Variants in ZBBX observed in about 807,000 individuals in gnomAD.
ZBBX encodes the protein zinc finger B-box domain containing.
Under a neutral mutation model 108.5 loss-of-function variants are expected in ZBBX, and 101 were observed. That is an observed-to-expected ratio of 0.93 (90% CI 0.79 to 1.10). The LOEUF (loss-of-function observed/expected upper bound fraction) is 1.10. ZBBX is among the 50% of genes least tolerant of loss of function. ZBBX has a pLI of 0.00. For synonymous variants in ZBBX, 356 were observed against 323.4 expected (o/e 1.10, Z -1.08); for missense variants, 1,009 against 941.4 (o/e 1.07, Z -0.94).
At chr3:167,293,698 C>A (rs1469544599) in intron 18 of ZBBX, among the ~76,000 whole-genome samples, 1 of 152,106 alleles carries the variant, frequency 6.6e-6, no homozygotes, top group African/African-American at 2.4e-5. Flanking sequence ...CTGGCCAGGG[C>A]AATCAGGCAA....
chr3:167,296,593 G>A (rs528001228), intron 18 of ZBBX, among the ~76,000 whole-genome samples: 4 of 151,660 alleles, frequency 2.6e-5, no homozygotes, highest in South Asian at 2.1e-4. Flanking sequence ...ATGAACAATC[G>A]GAAAAGGAAA....
At chr3:167,269,040 C>T (rs1317343708) in intron 20 of ZBBX, among the ~76,000 whole-genome samples, 1 of 152,130 alleles carries the variant, frequency 6.6e-6, no homozygotes, top group Non-Finnish European at 1.5e-5. Flanking sequence ...AAGGGCAGGC[C>T]ACTTCAAAAG....
At chr3:167,337,729 A>G (rs1010564336) in intron 9 of ZBBX, among the ~76,000 whole-genome samples, 1 of 152,276 alleles carries the variant, frequency 6.6e-6, no homozygotes, top group South Asian at 2.1e-4. Flanking sequence ...ATCTAGATTT[A>G]CAAAAGAAAA....
chr3:167,216,105 A>G, the ZBBX span, among the ~76,000 whole-genome samples: 1 of 152,182 alleles, frequency 6.6e-6, no homozygotes, highest in African/African-American at 2.4e-5. Flanking sequence ...TCTATTCAAC[A>G]TAATACTGGA....
downstream of ZBBX, among the ~76,000 whole-genome samples, chr3:167,239,532 T>A (rs1352748902): frequency 6.6e-6 from 1 of 152,112 alleles, no homozygotes; most frequent in Non-Finnish European, 1.5e-5. Flanking sequence ...TAAATATATT[T>A]TCTCCTCCTT....
the ZBBX span, among the ~76,000 whole-genome samples, chr3:167,179,983 T>A: frequency 6.6e-6 from 1 of 152,220 alleles, no homozygotes; most frequent in Non-Finnish European, 1.5e-5. Context: ...ATCACATCCA[T>A]GTAATTTAAC....
At chr3:167,264,814 T>C (rs1725190659) in intron 20 of ZBBX, among the ~76,000 whole-genome samples, 1 of 152,214 alleles carries the variant, frequency 6.6e-6, no homozygotes, top group Non-Finnish European at 1.5e-5. Flanking sequence ...CCCACTCTTC[T>C]CTTCCCTTTC....
the ZBBX span, among the ~76,000 whole-genome samples, chr3:167,222,334 C>T: frequency 1.3e-5 from 2 of 151,668 alleles, no homozygotes; most frequent in Non-Finnish European, 2.9e-5. Flanking sequence ...TATGTTCACA[C>T]TTATTTATGA....
At chr3:167,316,719 A>G (rs1735523328) in intron 14 of ZBBX, among the ~76,000 whole-genome samples, 1 of 152,096 alleles carries the variant, frequency 6.6e-6, no homozygotes, top group Admixed American at 6.6e-5. Context: ...TAAAATATCA[A>G]ACTACATATC....
chr3:167,332,602 A>T (rs1738844865), intron 10 of ZBBX, among the ~76,000 whole-genome samples: 1 of 152,124 alleles, frequency 6.6e-6, no homozygotes, highest in African/African-American at 2.4e-5. Context: ...AAAAGCACAA[A>T]CCTTACATGG....
chr3:167,368,393 C>G (rs1745660490), intron 5 of ZBBX, 68 bp downstream of exon 5: 1 of 1,100,898 alleles, frequency 9.1e-7, no homozygotes, highest in Non-Finnish European at 1.3e-6. Context: ...GGAATGACAA[C>G]AGTATATAAA....
At chr3:167,220,975 A>G in the ZBBX span, among the ~76,000 whole-genome samples, 1 of 151,942 alleles carries the variant, frequency 6.6e-6, no homozygotes, top group Non-Finnish European at 1.5e-5. Flanking sequence ...AATAGCTATG[A>G]ATAAAATACC....
chr3:167,200,575 T>C, the ZBBX span, among the ~76,000 whole-genome samples: 5 of 152,308 alleles, frequency 3.3e-5, no homozygotes, highest in African/African-American at 1.2e-4. Context: ...CAACCTTCTT[T>C]CTTCTTTATC....
intron 20 of ZBBX, among the ~76,000 whole-genome samples, chr3:167,264,020 T>C (rs1725043578): frequency 6.6e-6 from 1 of 152,256 alleles, no homozygotes; most frequent in African/African-American, 2.4e-5. Context: ...TGATAAAGTA[T>C]AGCTACTCCT....
chr3:167,348,338 A>AAG (rs1490664326), intron 9 of ZBBX, among the ~76,000 whole-genome samples: 5 of 110,288 alleles, frequency 4.5e-5, no homozygotes, highest in East Asian at 4.0e-4. Context: ...GAAAGAAAGA[A>AAG]AGAAAGAAAG....
the ZBBX span, among the ~76,000 whole-genome samples, chr3:167,211,517 C>A: frequency 6.6e-6 from 1 of 152,184 alleles, no homozygotes; most frequent in South Asian, 2.1e-4. Flanking sequence ...AAGATAAGAC[C>A]CACTGGCTTG....
chr3:167,202,758 A>T, the ZBBX span, among the ~76,000 whole-genome samples: 1 of 152,114 alleles, frequency 6.6e-6, no homozygotes, highest in Non-Finnish European at 1.5e-5. Context: ...TTCAGTGGAA[A>T]AGGTAAAACC....
At chr3:167,278,627 G>C (rs1489951344) in intron 20 of ZBBX, among the ~76,000 whole-genome samples, 4 of 151,316 alleles carry the variant, frequency 2.6e-5, no homozygotes, top group African/African-American at 7.3e-5. Flanking sequence ...CAACCAAAAA[G>C]AGTCCAGGAC....
rs145163123 is a variant in ZBBX, at chr3:167,358,806, C to T, written c.432+1064G>A. 1.3e-3 allele frequency among the ~76,000 whole-genome samples: 194 copies of T among 151,762 alleles called. 2 individuals carry two copies. In the East Asian group the frequency reaches 0.029, roughly 22 times the overall value. On this transcript the variant is annotated intron_variant, in intron 8 of 21. Coordinates refer to ENST00000675490, the MANE Select transcript of ZBBX (RefSeq NM_001199201.2). ...AAAAAATTAGCTGGGCGTGGTGACG[C>T]GTGCCTATAATCCCAGCTACTTGGG...
Sources: allele counts gnomAD v4.1 joint callset (sites outside exome capture counted in the v4.1 genomes callset), GRCh38; gene constraint gnomAD v4.1.1; transcripts MANE v1.5; gene names NCBI Gene and HGNC (gene_info 2026-07-23, HGNC 2026-07-21).